IMMP2L: variants seen among roughly 807,000 people sequenced by gnomAD.
IMMP2L encodes mitochondrial inner membrane protease subunit 2.
A neutral mutation model predicts 19.3 loss-of-function variants in IMMP2L; 18 were observed. The observed-to-expected ratio is 0.93, with a 90% CI of 0.64 to 1.38. The LOEUF (loss-of-function observed/expected upper bound fraction) is 1.38. Ranked by LOEUF, IMMP2L falls within the 40% of genes most tolerant of loss-of-function variation. IMMP2L has a pLI of 0.00. For synonymous variants in IMMP2L, 76 were observed against 73.0 expected (o/e 1.04, Z -0.21); for missense variants, 233 against 218.2 (o/e 1.07, Z -0.43).
intron 3 of IMMP2L, among the ~76,000 whole-genome samples, chr7:111,266,442 C>T (rs574553619): frequency 2.0e-5 from 3 of 150,838 alleles, no homozygotes; most frequent in South Asian, 4.2e-4. Flanking sequence ...ACTGGGGTGG[C>T]TGAGACAGGA....
chr7:110,740,789 C>A (rs1796942583), intron 5 of IMMP2L, among the ~76,000 whole-genome samples: 1 of 151,934 alleles, frequency 6.6e-6, no homozygotes, highest in South Asian at 2.1e-4. Flanking sequence ...GAAAAGGGAA[C>A]ACTTTTACAC....
chr7:110,890,608 A>G (rs1810694266), intron 4 of IMMP2L, among the ~76,000 whole-genome samples: 1 of 152,208 alleles, frequency 6.6e-6, no homozygotes, highest in Non-Finnish European at 1.5e-5. Flanking sequence ...ATTCACATAA[A>G]AGAAAGACAA....
chr7:111,407,190 C>T (rs1053509610), intron 3 of IMMP2L, among the ~76,000 whole-genome samples: 1 of 151,948 alleles, frequency 6.6e-6, no homozygotes, highest in African/African-American at 2.4e-5. Flanking sequence ...ATAGAACCCT[C>T]ATACACTGCT....
chr7:111,435,222 G>T (rs1340456064), intron 3 of IMMP2L, among the ~76,000 whole-genome samples: 1 of 151,772 alleles, frequency 6.6e-6, no homozygotes, highest in Admixed American at 6.6e-5. Context: ...TTAAAAAGAT[G>T]CTTGAAATTA....
intron 3 of IMMP2L, among the ~76,000 whole-genome samples, chr7:111,243,014 C>T (rs1374907798): frequency 1.3e-5 from 2 of 151,936 alleles, no homozygotes; most frequent in Non-Finnish European, 2.9e-5. Context: ...TCTGTCATAT[C>T]ACAAATCTCT....
At chr7:111,299,208 G>C (rs908801253) in intron 3 of IMMP2L, among the ~76,000 whole-genome samples, 2 of 152,130 alleles carry the variant, frequency 1.3e-5, no homozygotes, top group Non-Finnish European at 2.9e-5. Context: ...ATACATTTGA[G>C]AAAGAGTTTC....
intron 3 of IMMP2L, among the ~76,000 whole-genome samples, chr7:110,978,682 G>C (rs1820949489): frequency 6.6e-6 from 1 of 151,728 alleles, no homozygotes; most frequent in Non-Finnish European, 1.5e-5. Context: ...TTTAAAATAA[G>C]TTTATCATCT....
Position 111,461,409 on chromosome 7 carries a change from C to T in IMMP2L, c.239+25829G>A, listed in dbSNP as rs78716643. Among the ~76,000 whole-genome samples the T allele has an allele frequency of 1.4e-4, 22 of 152,092 alleles. 1 individual carries two copies. In the East Asian group the frequency reaches 1.9e-3, roughly 13 times the overall value. On this transcript the variant is annotated intron_variant, in intron 3 of 5. Transcript: ENST00000405709. ...ATCCTGAAATACACACACACATACACGCACACGCACAGGAACACACATTCT... is the reference window on the plus strand; with the variant it reads ...ATCCTGAAATACACACACACATACATGCACACGCACAGGAACACACATTCT...
chr7:111,388,243 T>C (rs1001798535), intron 3 of IMMP2L, among the ~76,000 whole-genome samples: 3 of 151,702 alleles, frequency 2.0e-5, no homozygotes, highest in African/African-American at 7.3e-5. Flanking sequence ...CTGGGGATAG[T>C]GGGTTGAGGT....
chr7:111,050,502 G>A (rs948730188), intron 3 of IMMP2L, among the ~76,000 whole-genome samples: 3 of 152,146 alleles, frequency 2.0e-5, no homozygotes, highest in Non-Finnish European at 2.9e-5. Flanking sequence ...CTATTGACGC[G>A]TTCTTTCTTT....
intron 5 of IMMP2L, among the ~76,000 whole-genome samples, chr7:110,679,916 A>G (rs1443236324): frequency 6.6e-6 from 1 of 152,238 alleles, no homozygotes; most frequent in African/African-American, 2.4e-5. Flanking sequence ...CAGCTCTCAT[A>G]TGAGAGGACA....
chr7:110,706,952 T>G (rs1794730759), intron 5 of IMMP2L, among the ~76,000 whole-genome samples: 1 of 151,856 alleles, frequency 6.6e-6, no homozygotes, highest in Non-Finnish European at 1.5e-5. Flanking sequence ...TTCCTTGGCT[T>G]TCTTCTAGGA....
intron 3 of IMMP2L, among the ~76,000 whole-genome samples, chr7:111,467,075 C>T (rs982077385): frequency 6.6e-6 from 1 of 151,992 alleles, no homozygotes; most frequent in Non-Finnish European, 1.5e-5. Context: ...ACCAGATTGA[C>T]CAAATAGCAG....
chr7:111,560,497 A>G (rs958595595), intron 1 of IMMP2L, among the ~76,000 whole-genome samples: 1 of 152,226 alleles, frequency 6.6e-6, no homozygotes, highest in African/African-American at 2.4e-5. Flanking sequence ...ATTATTCATT[A>G]TAGGAAACAA....
intron 3 of IMMP2L, among the ~76,000 whole-genome samples, chr7:110,983,332 G>A (rs1418472324): frequency 1.3e-5 from 2 of 151,646 alleles, no homozygotes; most frequent in Non-Finnish European, 1.5e-5. Flanking sequence ...TTTTCTAAAA[G>A]TAATACTTCA....
At position 110,813,631 on chromosome 7, in the gene IMMP2L, T is replaced by C. The variant is rs556098724; in HGVS notation, c.408+72962A>G. ...ACGCCTGGCCTAAAATATTGTTTAA[T>C]CAAAGTCAGGCTACCAGAGGGAATG... On this transcript the variant is annotated intron_variant, in intron 5 of 5. Coordinates refer to ENST00000405709, the MANE Select transcript of IMMP2L (RefSeq NM_032549.4). Among the ~76,000 whole-genome samples the C allele has an allele frequency of 8.6e-5, 13 of 151,836 alleles. No homozygotes were observed. The East Asian group carries it at 2.3e-3, about 27-fold the overall frequency.
chr7:111,465,709 A>G (rs935443081), intron 3 of IMMP2L, among the ~76,000 whole-genome samples: 1 of 152,124 alleles, frequency 6.6e-6, no homozygotes. Flanking sequence ...AAATAGGAAC[A>G]CTTTTACACT....
intron 1 of IMMP2L, among the ~76,000 whole-genome samples, chr7:111,546,295 G>A (rs533693374): frequency 6.0e-4 from 91 of 152,128 alleles, no homozygotes; most frequent in Non-Finnish European, 1.0e-3. Flanking sequence ...CATTAGCAAT[G>A]ATCACACTTG....
At chr7:111,479,698 AC>A (rs1295202319) in intron 3 of IMMP2L, among the ~76,000 whole-genome samples, 1 of 151,862 alleles carries the variant, frequency 6.6e-6, no homozygotes, top group Non-Finnish European at 1.5e-5. Context: ...GCCGTCTTGT[AC>A]TTACTCATTT....
Sources: allele counts gnomAD v4.1 joint callset (sites outside exome capture counted in the v4.1 genomes callset), GRCh38; gene constraint gnomAD v4.1.1; transcripts MANE v1.5; gene names NCBI Gene and HGNC (gene_info 2026-07-23, HGNC 2026-07-21).